Variants in ASPM observed in about 807,000 individuals in gnomAD.
The protein encoded by ASPM is abnormal spindle-like microcephaly-associated protein.
Under a neutral mutation model 366.4 loss-of-function variants are expected in ASPM, and 256 were observed. The observed-to-expected ratio is 0.70, with a 90% CI of 0.63 to 0.77. ASPM has a LOEUF of 0.77. Ranked by LOEUF, ASPM falls within the 30% of genes least tolerant of loss-of-function variation. The probability of loss-of-function intolerance (pLI) is 0.00; values close to 1 mark genes in which losing one functional copy is unlikely to be tolerated. For synonymous variants in ASPM, 1,414 were observed against 1,342.9 expected (o/e 1.05, Z -1.16); for missense variants, 4,146 against 4,090.4 (o/e 1.01, Z -0.37).
rs1022997204 is a variant in ASPM, at chr1:197,146,497, C to T, written c.-60G>A. On this transcript the variant is annotated 5_prime_UTR_variant, in exon 1 of 28. Transcript: ENST00000367409. ...CCGCTCCCACGAGGCGGCTCCGGAG[C>T]GGGGATCCGGGACTTACGCTGACCG... is the stretch of plus-strand genomic sequence containing the variant. The T allele has an allele frequency of 1.9e-6, 3 of 1,578,638 alleles. No homozygotes were observed. The African/African-American group carries it at 4.0e-5, about 21-fold the overall frequency.
Position 197,103,472 on chromosome 1 carries a change from T to C in ASPM, c.5779A>G (p.Ile1927Val). 1 of 1,613,342 alleles carries C rather than the reference T, an allele frequency of 6.2e-7. No homozygotes were observed. The highest frequency in any genetic ancestry group is 8.5e-7 in the Non-Finnish European group (1 of 1,179,542). The change falls in exon 18 of 28, where the codon ATC becomes GTC. Residue 1927 changes from isoleucine (I) to valine (V), a missense_variant. Physicochemically the swap from Ile to Val is conservative, Grantham distance 29. This residue lies in a region of ASPM where 3,624 missense variants were observed against 3,591.7 expected (regional missense o/e 1.01). Transcript: ENST00000367409. ...FRLFKTAALV[I>V]QQNFRAWTAG... ...GTCCATGCTCTGAAATTTTGCTGGA[T>C]GACTAATGCTGCTGTTTTAAACAAT...
Position 197,090,932 on chromosome 1 carries a change from G to C in ASPM, c.9554C>G (p.Ala3185Gly). The C allele has an allele frequency of 6.2e-7, 1 of 1,613,362 alleles. No individual in the cohort carries two copies. The highest frequency in any genetic ancestry group is 8.5e-7 in the Non-Finnish European group (1 of 1,179,568). ...QECLSQRNRA[A>G]SVIQKAVRHF... is the part of the protein sequence containing the mutation. ...GCGCACTGCTTTCTGTATTACTGAT[G>C]CAGCCCTATTTCGCTGGCTCAGACA... The change falls in exon 23 of 28, where the codon GCA becomes GGA. Residue 3185 changes from alanine (A) to glycine (G), a missense_variant. Physicochemically the swap from Ala to Gly is moderately conservative, Grantham distance 60 (BLOSUM62 0). This residue lies in a region of ASPM where 3,624 missense variants were observed against 3,591.7 expected (regional missense o/e 1.01). Coordinates refer to ENST00000367409, the MANE Select transcript of ASPM (RefSeq NM_018136.5).
rs1342491371 is a variant in ASPM, at chr1:197,084,496, C to A, written c.10332-70G>T. 3 of 1,049,692 alleles carry A rather than the reference C, an allele frequency of 2.9e-6. No homozygotes were observed. The East Asian group carries it at 7.4e-5, about 26-fold the overall frequency. The allele number at this position is 1,049,692 out of a possible 1,614,324, so 65.0% of individuals were successfully genotyped here. A position where few individuals can be genotyped will look rare whatever the true frequency, so the allele number is the denominator to read the frequency against. On this transcript the variant is annotated intron_variant, in intron 27 of 27. Coordinates refer to ENST00000367409, the MANE Select transcript of ASPM (RefSeq NM_018136.5). ...CTTTAGAGTTACCTTCACCTTTTTT[C>A]TCTTAACTAAATTGTAGCTACTCCT... is the stretch of plus-strand genomic sequence containing the variant.
Position 197,142,521 on chromosome 1 carries a change from G to C in ASPM, c.1731C>G (p.Ser577Arg). 6.2e-7 allele frequency: 1 copy of C among 1,613,914 alleles called. No homozygotes were observed. Among genetic ancestry groups the C allele is most frequent in the Non-Finnish European group, 8.5e-7 (1 of 1,179,864 alleles). ...CATTTGCATCTTCCATGCTTCCATC[G>C]CTCTTTCTTTTCCGAGCAACTGAAG... ...TTASVARKRKSDGSMEDANVR... is the reference protein window; with the variant it reads ...TTASVARKRKRDGSMEDANVR... Residue 577 changes from serine to arginine, a missense_variant, in exon 3 of 28, where the codon AGC becomes AGG. Ser to Arg is a moderately radical substitution (Grantham distance 110). This residue lies in a region of ASPM where 3,624 missense variants were observed against 3,591.7 expected (regional missense o/e 1.01). Transcript: ENST00000367409.
In ASPM at chr1:197,143,197, T is replaced by G; in HGVS notation, c.1055A>C (p.His352Pro). ...TTCATGTGCAATTGTTGATTCCAAA[T>G]GCACAGGCTGTGAATTATCTTTCAT... ...MFMKDNSQPV[H>P]LESTIAHEIY... Residue 352 changes from histidine to proline, a missense_variant, in exon 3 of 28, where the codon CAT becomes CCT. Physicochemically the swap from His to Pro is moderately conservative, Grantham distance 77 (BLOSUM62 -2). Coordinates refer to ENST00000367409, the MANE Select transcript of ASPM (RefSeq NM_018136.5). 6.2e-7 allele frequency: 1 copy of G among 1,613,644 alleles called. No individual in the cohort carries two copies. Among genetic ancestry groups the G allele is most frequent in the Non-Finnish European group, 8.5e-7 (1 of 1,179,690 alleles).
intron 7 of ASPM, 21 bp from the exon 8 acceptor site, chr1:197,130,077 A>C (rs758191456): frequency 1.2e-6 from 2 of 1,610,680 alleles, no homozygotes; most frequent in Non-Finnish European, 1.7e-6. Flanking sequence ...ATTAAAGCCA[A>C]AGTCAGAATT....
At chr1:197,129,381 A>G (rs558077322) in intron 8 of ASPM, 64 bp from the exon 9 acceptor site, 2 of 1,517,152 alleles carry the variant, frequency 1.3e-6, no homozygotes, top group East Asian at 2.3e-5. Context: ...ATCTTAAAAT[A>G]TGATAATAAT....
chr1:197,103,459 A>G lies in ASPM; in HGVS notation c.5792T>C (p.Phe1931Ser), dbSNP rs756138841. 6.2e-7 allele frequency: 1 copy of G among 1,613,370 alleles called. No homozygotes were observed. The highest frequency in any genetic ancestry group is 8.5e-7 in the Non-Finnish European group (1 of 1,179,554). ...KTAALVIQQN[F>S]RAWTAGRKQC... ...CTTCCTTCCTGCAGTCCATGCTCTG[A>G]AATTTTGCTGGATGACTAATGCTGC... The change falls in exon 18 of 28, where the codon TTC becomes TCC. Residue 1931 changes from phenylalanine to serine, a missense_variant. This residue lies in a region of ASPM where 3,624 missense variants were observed against 3,591.7 expected (regional missense o/e 1.01). Coordinates refer to ENST00000367409, the MANE Select transcript of ASPM (RefSeq NM_018136.5).
Position 197,092,237 on chromosome 1 carries a change from T to G in ASPM, c.9295-181A>C, listed in dbSNP as rs569674749. Among the ~76,000 whole-genome samples, 10 of 151,968 alleles carry G rather than the reference T, an allele frequency of 6.6e-5. No individual in the cohort carries two copies. In the East Asian group the frequency reaches 1.7e-3, roughly 27 times the overall value. On this transcript the variant is annotated intron_variant, in intron 21 of 27. Coordinates refer to ENST00000367409, the MANE Select transcript of ASPM (RefSeq NM_018136.5). ...TTACAATATTGTACTATACAATATT[T>G]CCAGTAGTGTAACTCATAACTCAGA...
rs143911853 is a variant in ASPM at position 197,104,114 on chromosome 1, G to A, written c.5137C>T (p.Arg1713Cys). ...AAALFIQQCY[R>C]SKKIAAQKRE... The stretch of plus-strand genomic sequence containing the variant: ...TTTTGTGCAGCTATTTTTTTGGAAC[G>A]GTAACATTGCTGGATAAATAGTGCA... Residue 1713 changes from arginine to cysteine, a missense_variant, in exon 18 of 28, where the codon CGT (arginine) becomes TGT (cysteine). Physicochemically the swap from Arg to Cys is radical, Grantham distance 180 (BLOSUM62 -3). Around this residue, in one of 3 missense-constraint regions of ASPM, gnomAD observed 3,624 missense variants for 3,591.7 expected, o/e 1.01. Transcript: ENST00000367409. 33 of 1,612,882 alleles carry A rather than the reference G, an allele frequency of 2.0e-5. 1 individual carries two copies. Among genetic ancestry groups the A allele is most frequent in the African/African-American group, 1.9e-4 (14 of 74,920 alleles).
At chr1:197,087,199 CAAGT>C (rs1485916322) in intron 26 of ASPM, among the ~76,000 whole-genome samples, 1 of 151,970 alleles carries the variant, frequency 6.6e-6, no homozygotes, top group African/African-American at 2.4e-5. Context: ...CTCAGTCTCC[CAAGT>C]AGCTGGGATT....
intron 18 of ASPM, 50 bp downstream of exon 18, chr1:197,100,381 G>C (rs912960136): frequency 8.3e-7 from 1 of 1,206,720 alleles, no homozygotes; most frequent in East Asian, 2.6e-5. Context: ...AACAAATATT[G>C]GTCAAAAGAA....
intron 19 of ASPM, among the ~76,000 whole-genome samples, chr1:197,095,029 T>C (rs529129510): frequency 3.8e-4 from 57 of 151,906 alleles, no homozygotes; most frequent in Non-Finnish European, 7.7e-4. Flanking sequence ...ACACAATGAG[T>C]AATGATCAAA....
intron 6 of ASPM, 84 bp downstream of exon 6, chr1:197,133,266 T>C (rs1658317276): frequency 4.9e-6 from 7 of 1,427,506 alleles, no homozygotes; most frequent in Middle Eastern, 3.7e-4. Context: ...GTCAATTATA[T>C]GTCAATAAAG....
intron 17 of ASPM, among the ~76,000 whole-genome samples, chr1:197,109,983 T>C (rs1044344156): frequency 2.6e-5 from 4 of 152,070 alleles, no homozygotes; most frequent in African/African-American, 7.2e-5. Flanking sequence ...ATAATCAACA[T>C]AGTAAAGTTG....
intron 4 of ASPM, 133 bp from the exon 5 acceptor site, chr1:197,135,375 G>C: frequency 1.2e-6 from 1 of 868,370 alleles, no homozygotes; most frequent in Non-Finnish European, 1.9e-6. Flanking sequence ...CTACTTGCAG[G>C]AAAGAGCTGA....
chr1:197,122,492 G>T lies in ASPM; in HGVS notation c.3494C>A (p.Thr1165Asn), dbSNP rs1468363206. Residue 1165 changes from threonine to asparagine, a missense_variant, in exon 14 of 28, where the codon ACT becomes AAT. Physicochemically the swap from Thr to Asn is moderately conservative, Grantham distance 65. Transcript: ENST00000367409. ...YVPFDAICQR[T>N]TQTVECTQTG... ...TTGCGTACATTCCACAGTTTGAGTA[G>T]TACGCTGACATATAGCGTCAAATGG... 5.0e-6 allele frequency: 8 copies of T among 1,613,540 alleles called. No individual in the cohort carries two copies.
chr1:197,124,999 T>C, intron 11 of ASPM, 44 bp from the exon 12 acceptor site: 1 of 1,607,940 alleles, frequency 6.2e-7, no homozygotes, highest in Non-Finnish European at 8.5e-7. Context: ...TACGCACATA[T>C]CAATATTCAG....
chr1:197,126,080 C>T (rs1025852851), intron 10 of ASPM, among the ~76,000 whole-genome samples: 1 of 152,078 alleles, frequency 6.6e-6, no homozygotes, highest in Non-Finnish European at 1.5e-5. Context: ...CTTAGAATTC[C>T]TAACCGACTA....
Sources: gnomAD v4.1 joint callset for allele counts (sites outside exome capture counted in the v4.1 genomes callset) on GRCh38, gnomAD v4.1.1 for gene constraint, gnomAD v4.1.1 regional missense constraint, MANE v1.5 for transcripts, NCBI Gene and HGNC (gene_info 2026-07-23, HGNC 2026-07-21) for gene names.